Variants in PCDH11X observed in about 807,000 individuals in gnomAD.
PCDH11X encodes the protein protocadherin-11 X-linked.
PCDH11X carries 18 observed loss-of-function variants against 53.3 expected under a neutral mutation model. That is an observed-to-expected ratio of 0.34 (90% CI 0.23 to 0.50). The LOEUF (loss-of-function observed/expected upper bound fraction) is 0.50. PCDH11X is among the 20% of genes least tolerant of loss of function. The pLI is 0.98. For synonymous variants in PCDH11X, 279 were observed against 393.3 expected, an observed-to-expected ratio of 0.71 and a Z score of 3.44; for missense variants, 570 against 1,032.4, an observed-to-expected ratio of 0.55 and a Z score of 6.14.
intron 6 of PCDH11X, among the ~76,000 whole-genome samples, chrX:92,098,053 C>T (rs1187785818): frequency 1.8e-5 from 2 of 110,250 alleles, no homozygotes; most frequent in Non-Finnish European, 3.8e-5. Flanking sequence ...TACAAGGTGC[C>T]GACTGCTTAT....
chrX:92,331,160 A>G (rs2069455567), intron 8 of PCDH11X, among the ~76,000 whole-genome samples: 1 of 109,906 alleles, frequency 9.1e-6, no homozygotes, highest in African/African-American at 3.3e-5. Context: ...CATCAACCTT[A>G]CAATGTAGCC....
intron 9 of PCDH11X, among the ~76,000 whole-genome samples, chrX:92,463,965 T>C (rs1371391644): frequency 2.7e-5 from 3 of 111,591 alleles, no homozygotes; most frequent in Non-Finnish European, 3.8e-5. Flanking sequence ...ATGTAGAAAA[T>C]GGTAATTGCA....
At chrX:92,025,075 C>T (rs1356183580) in intron 6 of PCDH11X, among the ~76,000 whole-genome samples, 17 of 111,652 alleles carry the variant, frequency 1.5e-4, no homozygotes, top group African/African-American at 4.9e-4. Context: ...GCAAGGACTT[C>T]ATGATGAAAA....
intron 6 of PCDH11X, among the ~76,000 whole-genome samples, chrX:92,149,427 C>G (rs2065389727): frequency 2.3e-5 from 2 of 86,524 alleles, no homozygotes; most frequent in Admixed American, 3.3e-4. Context: ...CTCTCTTTCT[C>G]TCACTCTCTC....
At chrX:92,369,107 T>G (rs1001735214) in intron 8 of PCDH11X, among the ~76,000 whole-genome samples, 1 of 102,613 alleles carries the variant, frequency 9.7e-6, no homozygotes, top group Admixed American at 1.0e-4. Flanking sequence ...CTGCTGAAGC[T>G]GCACCCACAG....
intron 6 of PCDH11X, among the ~76,000 whole-genome samples, chrX:91,926,690 T>C (rs1479051421): frequency 9.0e-6 from 1 of 111,009 alleles, no homozygotes; most frequent in Non-Finnish European, 1.9e-5. Context: ...TTTTAAAAAT[T>C]TTTAGTTCAC....
intron 10 of PCDH11X, among the ~76,000 whole-genome samples, chrX:92,509,427 A>T (rs1290784247): frequency 9.1e-6 from 1 of 109,613 alleles, no homozygotes; most frequent in Non-Finnish European, 1.9e-5. Flanking sequence ...AAGGATAAAA[A>T]CATCACATAA....
chrX:91,884,396 AAAC>A (rs1183416092), intron 6 of PCDH11X, among the ~76,000 whole-genome samples: 2 of 110,611 alleles, frequency 1.8e-5, no homozygotes, highest in Non-Finnish European at 3.8e-5. Context: ...ATGAGGGTGG[AAAC>A]AACGATTGAG....
At chrX:92,194,221 C>T (rs1381855579) in intron 6 of PCDH11X, among the ~76,000 whole-genome samples, 1 of 111,576 alleles carries the variant, frequency 9.0e-6, no homozygotes, top group Non-Finnish European at 1.9e-5. Context: ...GAGCGATTCT[C>T]AGAGAGGTGA....
intron 6 of PCDH11X, among the ~76,000 whole-genome samples, chrX:91,933,875 G>T (rs1482203892): frequency 9.1e-6 from 1 of 109,792 alleles, no homozygotes; most frequent in Non-Finnish European, 1.9e-5. Context: ...AGTAAAAAAA[G>T]TAATAACAAT....
intron 6 of PCDH11X, among the ~76,000 whole-genome samples, chrX:92,069,745 G>A (rs2063669829): frequency 9.0e-6 from 1 of 111,485 alleles, no homozygotes; most frequent in South Asian, 3.7e-4. Flanking sequence ...GCAGTGGCAC[G>A]ATTTTGACTC....
intron 6 of PCDH11X, among the ~76,000 whole-genome samples, chrX:92,181,012 G>A (rs368278082): frequency 3.6e-5 from 4 of 111,481 alleles, no homozygotes; most frequent in East Asian, 2.8e-4. Flanking sequence ...TGGGTATCAG[G>A]CAGAGGTTGG....
At chrX:92,559,120 G>C (rs920947643) in intron 10 of PCDH11X, among the ~76,000 whole-genome samples, 1 of 110,847 alleles carries the variant, frequency 9.0e-6, no homozygotes, top group South Asian at 3.7e-4. Context: ...AGACATTTGG[G>C]TATTTTGTAA....
intron 6 of PCDH11X, among the ~76,000 whole-genome samples, chrX:91,946,137 C>T (rs986130973): frequency 4.6e-5 from 5 of 109,260 alleles, no homozygotes; most frequent in African/African-American, 1.7e-4. Flanking sequence ...GTTGGTTGTA[C>T]TCCTCACAGT....
In PCDH11X at chrX:92,172,537, G is replaced by A. The variant is rs757903552; in HGVS notation, c.3034-28838G>A. 3.7e-5 allele frequency among the ~76,000 whole-genome samples: 4 copies of A among 108,946 alleles called. No individual in the cohort carries two copies. In the South Asian group the frequency reaches 1.6e-3, roughly 44 times the overall value. 94.6% of individuals were successfully genotyped at this position (108,946 alleles called of 115,157 possible). A position where few individuals can be genotyped will look rare whatever the true frequency, so the allele number is the denominator to read the frequency against. ...ACCGAGTAACTGGGACTATAGGTGTGTGCCACCATGCCCAGCTAGTTAACA... is the reference window on the plus strand; with the variant it reads ...ACCGAGTAACTGGGACTATAGGTGTATGCCACCATGCCCAGCTAGTTAACA... On this transcript the variant is annotated intron_variant, in intron 6 of 10. Transcript: ENST00000682573.
chrX:92,485,679 T>C (rs2073626851), intron 10 of PCDH11X, among the ~76,000 whole-genome samples: 1 of 112,081 alleles, frequency 8.9e-6, no homozygotes. Flanking sequence ...TCATTTTTTT[T>C]CTGTCAACAC....
At chrX:92,140,735 A>AT (rs886440305) in intron 6 of PCDH11X, among the ~76,000 whole-genome samples, 12 of 111,654 alleles carry the variant, frequency 1.1e-4, no homozygotes, top group African/African-American at 3.9e-4. Flanking sequence ...AGCAAGGTTT[A>AT]TAAAAACAAC....
chrX:92,442,430 T>G (rs2072535835), intron 9 of PCDH11X, among the ~76,000 whole-genome samples: 1 of 111,337 alleles, frequency 9.0e-6, no homozygotes, highest in African/African-American at 3.3e-5. Context: ...TTTCCCATGC[T>G]GCTCTCATGA....
At chrX:92,358,320 A>G (rs1189658550) in intron 8 of PCDH11X, among the ~76,000 whole-genome samples, 3 of 79,529 alleles carry the variant, frequency 3.8e-5, no homozygotes, top group Non-Finnish European at 4.8e-5. Flanking sequence ...TCAACAAATA[A>G]TCTTGAGTGC....
Sources: allele counts gnomAD v4.1 joint callset (sites outside exome capture counted in the v4.1 genomes callset), GRCh38; gene constraint gnomAD v4.1.1; transcripts MANE v1.5; gene names NCBI Gene and HGNC (gene_info 2026-07-23, HGNC 2026-07-21).